HMGCLL1: variants seen among roughly 807,000 people sequenced by gnomAD.
HMGCLL1 encodes the protein 3-hydroxymethyl-3-methylglutaryl-CoA lyase, cytoplasmic.
HMGCLL1 carries 36 observed loss-of-function variants against 39.1 expected under a neutral mutation model. The observed-to-expected ratio is 0.92, with a 90% CI of 0.71 to 1.22. The LOEUF (loss-of-function observed/expected upper bound fraction) is 1.22. Among genes scored for constraint, HMGCLL1 ranks in the 50% most tolerant of loss-of-function variants. The pLI is 0.00. For synonymous variants in HMGCLL1, 149 were observed against 144.0 expected (o/e 1.03, Z -0.25); for missense variants, 451 against 416.5 (o/e 1.08, Z -0.72).
chr6:55,595,063 T>A, the HMGCLL1 span, among the ~76,000 whole-genome samples: 1 of 152,198 alleles, frequency 6.6e-6, no homozygotes, highest in African/African-American at 2.4e-5. Context: ...AATAGAAACA[T>A]ACATTTCAAA....
At chr6:55,599,488 A>AT in the HMGCLL1 span, among the ~76,000 whole-genome samples, 7 of 152,174 alleles carry the variant, frequency 4.6e-5, no homozygotes, top group African/African-American at 1.7e-4. Flanking sequence ...CATATTGGAT[A>AT]TTTTCAACAG....
At chr6:55,577,310 G>A in intron 1 of HMGCLL1, 1 of 1,115,080 alleles carries the variant, frequency 9.0e-7, no homozygotes, top group Non-Finnish European at 1.2e-6. Flanking sequence ...AACACAAAAA[G>A]AAGCATAACT....
At chr6:55,645,015 C>A in the HMGCLL1 span, among the ~76,000 whole-genome samples, 2 of 151,922 alleles carry the variant, frequency 1.3e-5, no homozygotes, top group African/African-American at 2.4e-5. Context: ...AATATTAATT[C>A]TTCAAACCCA....
chr6:55,570,980 C>G (rs1167782660), intron 1 of HMGCLL1, among the ~76,000 whole-genome samples: 1 of 152,146 alleles, frequency 6.6e-6, no homozygotes, highest in Non-Finnish European at 1.5e-5. Flanking sequence ...CCTTATAAAG[C>G]CATCAGATCT....
At chr6:55,536,956 A>T (rs1769070834) in intron 3 of HMGCLL1, among the ~76,000 whole-genome samples, 1 of 151,876 alleles carries the variant, frequency 6.6e-6, no homozygotes, top group Non-Finnish European at 1.5e-5. Flanking sequence ...TAAGATGTAG[A>T]GAATTAATAG....
intron 1 of HMGCLL1, among the ~76,000 whole-genome samples, chr6:55,551,523 G>A (rs746318090): frequency 6.6e-6 from 1 of 151,800 alleles, no homozygotes; most frequent in Non-Finnish European, 1.5e-5. Flanking sequence ...AGTAAAAAAA[G>A]AAAAAGAAGA....
chr6:55,606,238 C>G, the HMGCLL1 span, among the ~76,000 whole-genome samples: 1 of 152,100 alleles, frequency 6.6e-6, no homozygotes. Flanking sequence ...ACAACAAAAT[C>G]CAAACAATAA....
intron 1 of HMGCLL1, among the ~76,000 whole-genome samples, chr6:55,549,540 T>A (rs940429317): frequency 1.3e-5 from 2 of 151,936 alleles, no homozygotes; most frequent in Non-Finnish European, 2.9e-5. Context: ...CTATTCATAT[T>A]AAGCCAGTTA....
chr6:55,658,477 C>G, the HMGCLL1 span, among the ~76,000 whole-genome samples: 2 of 151,950 alleles, frequency 1.3e-5, no homozygotes, highest in African/African-American at 4.8e-5. Context: ...GCTTGGGCTT[C>G]TGTCAACTTG....
chr6:55,566,525 G>C, intron 1 of HMGCLL1: 2 of 444,322 alleles, frequency 4.5e-6, no homozygotes, highest in East Asian at 7.0e-5. Context: ...AAAAGAGCCC[G>C]AACACTGAAT....
At chr6:55,541,125 G>A (rs150429508) in intron 3 of HMGCLL1, among the ~76,000 whole-genome samples, 2 of 152,234 alleles carry the variant, frequency 1.3e-5, no homozygotes, top group Non-Finnish European at 1.5e-5. Context: ...TACTAGTGAT[G>A]TTTCAAAGAT....
chr6:55,567,721 C>CA (rs200492516), intron 1 of HMGCLL1, among the ~76,000 whole-genome samples: 2,005 of 152,286 alleles, frequency 0.013, 30 homozygotes, highest in Non-Finnish European at 0.023. Flanking sequence ...TGGTCTGGGT[C>CA]ATGCCCTTGA....
At chr6:55,601,405 T>A in the HMGCLL1 span, among the ~76,000 whole-genome samples, 6 of 152,162 alleles carry the variant, frequency 3.9e-5, no homozygotes, top group Non-Finnish European at 8.8e-5. Context: ...TTTGACTGGT[T>A]CGCATAGCAG....
chr6:55,544,871 A>C (rs950043258), intron 1 of HMGCLL1, among the ~76,000 whole-genome samples: 6 of 152,264 alleles, frequency 3.9e-5, no homozygotes, highest in African/African-American at 1.2e-4. Context: ...AGTTAACCTG[A>C]GAGAGTGGAG....
chr6:55,570,287 C>T (rs1771409677), intron 1 of HMGCLL1, among the ~76,000 whole-genome samples: 1 of 152,176 alleles, frequency 6.6e-6, no homozygotes, highest in Non-Finnish European at 1.5e-5. Flanking sequence ...CATTCTCAGC[C>T]TCTTTACTGA....
At chr6:55,607,018 T>C in the HMGCLL1 span, among the ~76,000 whole-genome samples, 5 of 152,204 alleles carry the variant, frequency 3.3e-5, no homozygotes, top group East Asian at 9.6e-4. Flanking sequence ...AGATTTGTTA[T>C]TATTTTTAAG....
At chr6:55,542,877 TTTTATATA>T (rs1310475942) in intron 1 of HMGCLL1, among the ~76,000 whole-genome samples, 7 of 135,290 alleles carry the variant, frequency 5.2e-5, no homozygotes, top group Non-Finnish European at 7.7e-5. Flanking sequence ...ATTTTTATAT[TTTTATATA>T]TTTATATATT....
chr6:55,673,856 G>A, the HMGCLL1 span, among the ~76,000 whole-genome samples: 1 of 151,716 alleles, frequency 6.6e-6, no homozygotes, highest in Non-Finnish European at 1.5e-5. Context: ...CTAATGTTAT[G>A]GTCAGTTTTG....
the HMGCLL1 span, among the ~76,000 whole-genome samples, chr6:55,600,467 T>C: frequency 6.6e-6 from 1 of 152,298 alleles, no homozygotes; most frequent in South Asian, 2.1e-4. Context: ...TCTTTTGAAG[T>C]AAATTTAATT....
Sources: gnomAD v4.1 joint callset for allele counts (sites outside exome capture counted in the v4.1 genomes callset) on GRCh38, gnomAD v4.1.1 for gene constraint, MANE v1.5 for transcripts, NCBI Gene and HGNC (gene_info 2026-07-23, HGNC 2026-07-21) for gene names.